MTHFD2L: variants seen among roughly 807,000 people sequenced by gnomAD.
MTHFD2L encodes methylenetetrahydrofolate dehydrogenase (NADP+ dependent) 2 like.
In MTHFD2L, 29 loss-of-function variants were observed where a neutral mutation model predicts 34.9. The ratio of observed to expected loss-of-function variants is 0.83; its 90% confidence interval spans 0.62 to 1.13. The LOEUF (loss-of-function observed/expected upper bound fraction) is 1.13, where lower values mean the gene tolerates loss of function less well. Among genes scored for constraint, MTHFD2L ranks in the 50% most tolerant of loss-of-function variants. MTHFD2L has a pLI of 0.00. For synonymous variants in MTHFD2L, 167 were observed against 155.7 expected (o/e 1.07, Z -0.54); for missense variants, 481 against 446.5 (o/e 1.08, Z -0.70).
intron 6 of MTHFD2L, chr4:74,241,454 C>A: frequency 5.1e-6 from 1 of 196,498 alleles, no homozygotes; most frequent in Non-Finnish European, 1.1e-5. Flanking sequence ...AGTGCAGTGG[C>A]GCAATCATGG....
At chr4:74,287,817 G>T (rs1338212395) in intron 7 of MTHFD2L, among the ~76,000 whole-genome samples, 1 of 152,186 alleles carries the variant, frequency 6.6e-6, no homozygotes, top group East Asian at 1.9e-4. Context: ...GAGTTAGGCA[G>T]CTATGCTTCA....
upstream of MTHFD2L, among the ~76,000 whole-genome samples, chr4:74,124,365 A>T (rs925104723): frequency 2.0e-5 from 3 of 151,910 alleles, no homozygotes; most frequent in Admixed American, 2.0e-4. Context: ...TGATAAGATC[A>T]TTGTTTATCT....
At chr4:74,284,105 A>G (rs1303927399) in intron 7 of MTHFD2L, among the ~76,000 whole-genome samples, 1 of 152,160 alleles carries the variant, frequency 6.6e-6, no homozygotes, top group Non-Finnish European at 1.5e-5. Context: ...TCCTTGCAGA[A>G]ATCTTTGTTT....
intron 6 of MTHFD2L, among the ~76,000 whole-genome samples, chr4:74,231,729 A>G (rs1183769903): frequency 2.0e-5 from 3 of 152,132 alleles, no homozygotes; most frequent in Admixed American, 2.0e-4. Context: ...CAATCTGTTC[A>G]TTGATGTGAT....
intron 6 of MTHFD2L, among the ~76,000 whole-genome samples, chr4:74,246,125 C>G (rs997361904): frequency 8.2e-4 from 117 of 142,380 alleles, no homozygotes; most frequent in Non-Finnish European, 1.5e-3. Flanking sequence ...TTCTCCACAT[C>G]CTCTCCAGCA....
intron 5 of MTHFD2L, among the ~76,000 whole-genome samples, chr4:74,223,101 A>G (rs1738498714): frequency 6.6e-6 from 1 of 152,140 alleles, no homozygotes; most frequent in Admixed American, 6.6e-5. Flanking sequence ...CCAAAGGAAT[A>G]TAAATTGTTC....
At chr4:74,219,992 T>C (rs987414951) in intron 5 of MTHFD2L, among the ~76,000 whole-genome samples, 2 of 152,092 alleles carry the variant, frequency 1.3e-5, no homozygotes, top group African/African-American at 4.8e-5. Context: ...TTGTTACTTA[T>C]ATGTGTGTAC....
At chr4:74,208,495 C>T (rs1425361089) in intron 5 of MTHFD2L, among the ~76,000 whole-genome samples, 1 of 152,162 alleles carries the variant, frequency 6.6e-6, no homozygotes, top group Non-Finnish European at 1.5e-5. Flanking sequence ...CAATTCCTCT[C>T]TTTCTCCATG....
intron 6 of MTHFD2L, among the ~76,000 whole-genome samples, chr4:74,279,655 A>G (rs1055185458): frequency 6.6e-6 from 1 of 152,042 alleles, no homozygotes; most frequent in African/African-American, 2.4e-5. Context: ...TGTAATAACT[A>G]TTTTATGAAT....
At chr4:74,219,609 G>C (rs1365228506) in intron 5 of MTHFD2L, among the ~76,000 whole-genome samples, 2 of 152,098 alleles carry the variant, frequency 1.3e-5, no homozygotes, top group Non-Finnish European at 2.9e-5. Context: ...AATAAGAATA[G>C]GTTTAAGAGG....
intron 6 of MTHFD2L, among the ~76,000 whole-genome samples, chr4:74,273,992 C>G (rs1290494480): frequency 6.6e-6 from 1 of 151,560 alleles, no homozygotes; most frequent in Non-Finnish European, 1.5e-5. Flanking sequence ...CTGAATTTCT[C>G]AGTCCTCAAG....
chr4:74,127,301 C>A (rs572313563), intron 1 of MTHFD2L, among the ~76,000 whole-genome samples: 26 of 152,218 alleles, frequency 1.7e-4, no homozygotes, highest in African/African-American at 6.0e-4. Flanking sequence ...TTGAAATGTA[C>A]AATAGATTGA....
At chr4:74,116,422 A>G (rs1721656443) in intron 2 of MTHFD2L, among the ~76,000 whole-genome samples, 1 of 152,218 alleles carries the variant, frequency 6.6e-6, no homozygotes, top group African/African-American at 2.4e-5. Flanking sequence ...AGAACTGTAA[A>G]GAAATAAAGT....
At chr4:74,284,832 A>G (rs1394234513) in intron 7 of MTHFD2L, among the ~76,000 whole-genome samples, 1 of 152,104 alleles carries the variant, frequency 6.6e-6, no homozygotes, top group Admixed American at 6.6e-5. Context: ...CAGCCATGCC[A>G]TTGCTGGGTA....
intron 5 of MTHFD2L, among the ~76,000 whole-genome samples, chr4:74,218,064 C>A (rs2110101473): frequency 6.6e-6 from 1 of 152,182 alleles, no homozygotes; most frequent in Non-Finnish European, 1.5e-5. Context: ...TATTTGTGTA[C>A]CTGCTTTCCA....
chr4:74,120,831 C>T (rs1553890824), upstream of MTHFD2L, among the ~76,000 whole-genome samples: 1 of 152,168 alleles, frequency 6.6e-6, no homozygotes, highest in Non-Finnish European at 1.5e-5. Context: ...ACTCCAGAGA[C>T]TTCTTTTAGA....
At chr4:74,121,641 CATATATAATTAT>C (rs1001227803), upstream of MTHFD2L, among the ~76,000 whole-genome samples, 2 of 139,384 alleles carry the variant, frequency 1.4e-5, no homozygotes, top group African/African-American at 5.3e-5. Flanking sequence ...TTTAATTATA[CATATATAATTAT>C]ATATAATTAA....
intron 6 of MTHFD2L, among the ~76,000 whole-genome samples, chr4:74,259,103 G>A (rs1240834829): frequency 1.3e-5 from 2 of 152,110 alleles, no homozygotes; most frequent in Non-Finnish European, 2.9e-5. Context: ...AGCACAGTAT[G>A]ACAAAAACTT....
At chr4:74,154,033 G>A (rs1435200997), upstream of MTHFD2L, among the ~76,000 whole-genome samples, 1 of 152,130 alleles carries the variant, frequency 6.6e-6, no homozygotes, top group East Asian at 1.9e-4. Flanking sequence ...TCTTACTTGT[G>A]ACAGTTTCTT....
Sources: allele counts gnomAD v4.1 joint callset (sites outside exome capture counted in the v4.1 genomes callset), GRCh38; gene constraint gnomAD v4.1.1; transcripts MANE v1.5; gene names NCBI Gene and HGNC (gene_info 2026-07-23, HGNC 2026-07-21).